BMPR1B: variants seen among roughly 807,000 people sequenced by gnomAD.
The protein encoded by BMPR1B is bone morphogenetic protein receptor type 1B.
Under a neutral mutation model 59.1 loss-of-function variants are expected in BMPR1B, and 12 were observed. The ratio of observed to expected loss-of-function variants is 0.20; its 90% CI spans 0.13 to 0.33. The LOEUF (loss-of-function observed/expected upper bound fraction) is 0.33, where lower values mean the gene tolerates loss of function less well. BMPR1B is among the 10% of genes least tolerant of loss of function. The pLI is 1.00. For missense variants in BMPR1B, 550 were observed against 610.9 expected (o/e 0.90, Z 1.05); for synonymous variants, 237 against 207.3 (o/e 1.14, Z -1.23).
intron 2 of BMPR1B, among the ~76,000 whole-genome samples, chr4:94,896,687 G>A (rs939384133): frequency 3.3e-5 from 5 of 151,894 alleles, no homozygotes; most frequent in African/African-American, 7.2e-5. Context: ...GTAGACTTTT[G>A]CAGGAGTTAT....
At position 94,833,255 on chromosome 4, in the gene BMPR1B, A is replaced by G. The variant is rs1307182935; in HGVS notation, c.-182-42576A>G. Among the ~76,000 whole-genome samples the G allele has an allele frequency of 2.0e-5, 3 of 152,082 alleles. 1 individual carries two copies. Among genetic ancestry groups the G allele is most frequent in the Non-Finnish European group, 4.4e-5 (3 of 68,016 alleles). ...CCTACCTCATAGGGTTGTTAGTATTAAAAAGATTAATTAATACAAAGTGCC... is the reference window on the plus strand; with the variant it reads ...CCTACCTCATAGGGTTGTTAGTATTGAAAAGATTAATTAATACAAAGTGCC... On this transcript the variant is annotated intron_variant, in intron 1 of 12. Coordinates refer to ENST00000515059, the MANE Select transcript of BMPR1B (RefSeq NM_001203.3).
chr4:95,139,211 C>G (rs1344468609), intron 10 of BMPR1B, among the ~76,000 whole-genome samples: 1 of 152,144 alleles, frequency 6.6e-6, no homozygotes, highest in Non-Finnish European at 1.5e-5. Context: ...GTATCACCAG[C>G]GGAGGCTGCA....
intron 3 of BMPR1B, among the ~76,000 whole-genome samples, chr4:95,026,285 T>G (rs1428572558): frequency 1.3e-5 from 2 of 152,034 alleles, no homozygotes; most frequent in Non-Finnish European, 2.9e-5. Context: ...TCTTAGAAAT[T>G]TAACCTCAAA....
At chr4:94,814,124 A>G (rs933860547) in intron 1 of BMPR1B, among the ~76,000 whole-genome samples, 1 of 152,340 alleles carries the variant, frequency 6.6e-6, no homozygotes, top group South Asian at 2.1e-4. Flanking sequence ...CTCAAATCCG[A>G]TCTGTTCAGG....
intron 2 of BMPR1B, among the ~76,000 whole-genome samples, chr4:94,980,537 T>C (rs1731197052): frequency 6.6e-6 from 1 of 152,136 alleles, no homozygotes; most frequent in Non-Finnish European, 1.5e-5. Context: ...GGTACTTCAA[T>C]TTTCTTCCAC....
chr4:94,906,907 A>T (rs2149006887), intron 2 of BMPR1B, among the ~76,000 whole-genome samples: 1 of 152,174 alleles, frequency 6.6e-6, no homozygotes, highest in African/African-American at 2.4e-5. Flanking sequence ...CATTTATATT[A>T]TAACTATTAT....
At chr4:95,116,419 GCGCACACACACA>G (rs1403846903) in intron 6 of BMPR1B, among the ~76,000 whole-genome samples, 7 of 51,100 alleles carry the variant, frequency 1.4e-4, no homozygotes, top group Admixed American at 5.0e-4. Context: ...CTTTCAGCGC[GCGCACACACACA>G]CACACACACA....
At chr4:94,801,125 T>A (rs1723391227) in intron 1 of BMPR1B, among the ~76,000 whole-genome samples, 1 of 152,220 alleles carries the variant, frequency 6.6e-6, no homozygotes, top group Admixed American at 6.5e-5. Flanking sequence ...ATATGTCCTG[T>A]GGTTCCTGGG....
rs148039229 is a variant in BMPR1B, at chr4:95,080,673, C to T, written c.-17-23735C>T. 3.6e-3 allele frequency among the ~76,000 whole-genome samples: 551 copies of T among 152,224 alleles called. 3 individuals carry two copies. Among genetic ancestry groups the T allele is most frequent in the African/African-American group, 0.012 (516 of 41,538 alleles). On this transcript the variant is annotated intron_variant, in intron 3 of 12. Coordinates refer to ENST00000515059, the MANE Select transcript of BMPR1B (RefSeq NM_001203.3). ...GACATTTGCACTGATAATAAACACC[C>T]GAGCTTTAGCACAAATCGAAGCAGG...
intron 1 of BMPR1B, among the ~76,000 whole-genome samples, chr4:94,794,399 C>T (rs1257151679): frequency 6.6e-6 from 1 of 151,180 alleles, no homozygotes; most frequent in Non-Finnish European, 1.5e-5. Flanking sequence ...GGTACCAGTA[C>T]CATGCTGTTT....
At chr4:95,135,057 T>A (rs1733669193) in intron 10 of BMPR1B, among the ~76,000 whole-genome samples, 1 of 152,204 alleles carries the variant, frequency 6.6e-6, no homozygotes, top group Non-Finnish European at 1.5e-5. Flanking sequence ...AAGGAAGAGA[T>A]CCAGTTTCAG....
At chr4:94,804,676 C>T (rs1322497315) in intron 1 of BMPR1B, among the ~76,000 whole-genome samples, 1 of 130,864 alleles carries the variant, frequency 7.6e-6, no homozygotes, top group African/African-American at 2.9e-5. Flanking sequence ...CAAACCTATT[C>T]ATCCAGTATT....
chr4:94,979,347 A>C (rs1731151434), intron 2 of BMPR1B, among the ~76,000 whole-genome samples: 1 of 152,138 alleles, frequency 6.6e-6, no homozygotes, highest in African/African-American at 2.4e-5. Flanking sequence ...TTTTATGTTA[A>C]AAAAAAACTT....
At chr4:94,860,947 A>G (rs1045790220) in intron 1 of BMPR1B, among the ~76,000 whole-genome samples, 14 of 147,580 alleles carry the variant, frequency 9.5e-5, no homozygotes, top group Middle Eastern at 3.2e-3. Flanking sequence ...TGAGAGTTAT[A>G]GTCTTGAGGT....
At chr4:94,904,777 G>A (rs973311740) in intron 2 of BMPR1B, among the ~76,000 whole-genome samples, 2 of 151,982 alleles carry the variant, frequency 1.3e-5, no homozygotes, top group East Asian at 1.9e-4. Flanking sequence ...TCACTTTTTA[G>A]CATTGGCTTG....
intron 1 of BMPR1B, among the ~76,000 whole-genome samples, chr4:94,857,741 T>G (rs888738729): frequency 6.6e-6 from 1 of 152,160 alleles, no homozygotes; most frequent in Non-Finnish European, 1.5e-5. Flanking sequence ...CTCTGAGATG[T>G]CCTCAAAAAG....
intron 10 of BMPR1B, among the ~76,000 whole-genome samples, chr4:95,136,501 G>C (rs1733800810): frequency 6.6e-6 from 1 of 152,086 alleles, no homozygotes. Context: ...GCTCCTCTTT[G>C]TACCTCTGGT....
At chr4:94,799,302 T>G (rs1464982575) in intron 1 of BMPR1B, among the ~76,000 whole-genome samples, 3 of 149,986 alleles carry the variant, frequency 2.0e-5, no homozygotes, top group African/African-American at 7.4e-5. Flanking sequence ...TTTGGGTGAC[T>G]GTTTTTTTTT....
At chr4:95,128,308 A>G (rs775419761) in intron 8 of BMPR1B, among the ~76,000 whole-genome samples, 2 of 152,216 alleles carry the variant, frequency 1.3e-5, no homozygotes, top group Admixed American at 6.5e-5. Context: ...AAGTACAAAA[A>G]GAAAAACTTT....
Sources: gnomAD v4.1 joint callset for allele counts (sites outside exome capture counted in the v4.1 genomes callset) on GRCh38, gnomAD v4.1.1 for gene constraint, MANE v1.5 for transcripts, NCBI Gene and HGNC (gene_info 2026-07-23, HGNC 2026-07-21) for gene names.